The following NUP98 variants were observed in gnomAD, a reference collection of about 807,000 sequenced individuals.
NUP98 encodes nucleoporin 98 and 96 precursor.
Under a neutral mutation model 191.9 loss-of-function variants are expected in NUP98, and 26 were observed. That is an observed-to-expected ratio of 0.14 (90% CI 0.10 to 0.19). The LOEUF is 0.19. Among genes scored for constraint, NUP98 ranks in the 10% least tolerant of loss-of-function variants. The pLI, the probability that NUP98 is intolerant of heterozygous loss-of-function variation, is 1.00. For missense variants in NUP98, 1,941 were observed against 2,178.8 expected (o/e 0.89, Z 2.17); for synonymous variants, 808 against 778.4 (o/e 1.04, Z -0.63).
intron 12 of NUP98, among the ~76,000 whole-genome samples, chr11:3,735,962 G>A (rs1266570494): frequency 2.0e-5 from 3 of 151,600 alleles, no homozygotes; most frequent in Admixed American, 2.0e-4. Flanking sequence ...GAGTGTAGTG[G>A]CATGATCTTG....
At chr11:3,697,177 T>G (rs1180335062) in intron 25 of NUP98, 1 of 152,154 alleles carries the variant, frequency 6.6e-6, no homozygotes, top group Non-Finnish European at 1.5e-5. Flanking sequence ...TTTGGGAGGC[T>G]GAGGCAGGAG....
intron 2 of NUP98, among the ~76,000 whole-genome samples, chr11:3,780,496 C>A (rs551332026): frequency 7.6e-6 from 1 of 132,052 alleles, no homozygotes; most frequent in South Asian, 2.4e-4. Context: ...GAGCTGAGAT[C>A]GCACCACCGC....
At chr11:3,776,117 C>T in intron 4 of NUP98, 96 bp from the exon 5 acceptor site, 1 of 746,392 alleles carries the variant, frequency 1.3e-6, no homozygotes, top group Non-Finnish European at 2.1e-6. Context: ...CATCACAGTA[C>T]TTCATTTTTT....
At chr11:3,715,300 C>A (rs2079144522) in intron 18 of NUP98, among the ~76,000 whole-genome samples, 1 of 152,190 alleles carries the variant, frequency 6.6e-6, no homozygotes, top group Non-Finnish European at 1.5e-5. Context: ...GTGCCCGCCA[C>A]AACACCCAGC....
chr11:3,782,025 C>G lies in NUP98; in HGVS notation c.76+17G>C. ...AGATTAAGGTTTCTCCCTCTTTTGT[C>G]CTTTTTAAAAACTTACTCTGTCCAA... On this transcript the variant is annotated intron_variant, in intron 2 of 32. Transcript: ENST00000324932. 1.3e-6 allele frequency: 2 copies of G among 1,591,368 alleles called. No individual in the cohort carries two copies. Among genetic ancestry groups the G allele is most frequent in the Non-Finnish European group, 1.7e-6 (2 of 1,162,064 alleles).
Position 3,702,403 on chromosome 11 carries a change from A to G in NUP98, c.3512+60T>C, listed in dbSNP as rs148926906. 418 of 1,303,714 alleles carry G rather than the reference A, an allele frequency of 3.2e-4. 3 individuals carry two copies. The African/African-American group carries it at 5.5e-3, about 17-fold the overall frequency. 80.8% of individuals were successfully genotyped at this position (1,303,714 alleles called of 1,614,324 possible). A position where few individuals can be genotyped will look rare whatever the true frequency, so the allele number is the denominator to read the frequency against. The stretch of plus-strand genomic sequence containing the variant: ...GACAAAGCAGGGCCCTATCCTCCTG[A>G]TTAGTTTTTTTCACCTATCATGTTG... On this transcript the variant is annotated intron_variant, in intron 23 of 32. Coordinates refer to ENST00000324932, the MANE Select transcript of NUP98 (RefSeq NM_016320.5).
chr11:3,758,781 G>GAGAGAGAC (rs201506597), intron 10 of NUP98, among the ~76,000 whole-genome samples: 7 of 151,918 alleles, frequency 4.6e-5, no homozygotes, highest in African/African-American at 1.5e-4. Context: ...GAGAGAGACA[G>GAGAGAGAC]AGAGAGACAG....
intron 20 of NUP98, among the ~76,000 whole-genome samples, chr11:3,706,903 A>G (rs1294403062): frequency 6.6e-6 from 1 of 152,188 alleles, no homozygotes; most frequent in African/African-American, 2.4e-5. Flanking sequence ...GGTGAAACAA[A>G]TGGTGGTCTT....
intron 6 of NUP98, among the ~76,000 whole-genome samples, chr11:3,772,808 G>A (rs1020107728): frequency 5.7e-5 from 6 of 105,752 alleles, no homozygotes; most frequent in Admixed American, 5.1e-4. Flanking sequence ...AGCAAGACTC[G>A]TCTCAAAAAA....
intron 14 of NUP98, among the ~76,000 whole-genome samples, chr11:3,729,638 C>T (rs2079760512): frequency 2.8e-5 from 4 of 145,022 alleles, no homozygotes; most frequent in Admixed American, 7.1e-5. Context: ...ATCACCTGAG[C>T]CCAGGGGTCG....
chr11:3,741,668 C>T (rs1471810935), intron 12 of NUP98, among the ~76,000 whole-genome samples: 1 of 151,966 alleles, frequency 6.6e-6, no homozygotes, highest in Non-Finnish European at 1.5e-5. Flanking sequence ...AAAAAAATCT[C>T]CCAGAAAGCA....
intron 10 of NUP98, among the ~76,000 whole-genome samples, chr11:3,753,754 A>AC (rs1713798505): frequency 1.6e-5 from 2 of 124,478 alleles, no homozygotes; most frequent in African/African-American, 6.0e-5. Flanking sequence ...CTATAAAAAT[A>AC]CAAAAAAAAA....
intron 2 of NUP98, 74 bp downstream of exon 2, chr11:3,781,968 G>T: frequency 2.1e-6 from 2 of 952,056 alleles, no homozygotes; most frequent in Non-Finnish European, 3.2e-6. Flanking sequence ...CCCACCTAAA[G>T]CTTATCAGAG....
At chr11:3,751,478 A>T (rs980825266) in intron 11 of NUP98, among the ~76,000 whole-genome samples, 1 of 152,234 alleles carries the variant, frequency 6.6e-6, no homozygotes, top group South Asian at 2.1e-4. Flanking sequence ...GATACATGCC[A>T]AACAACCCTA....
chr11:3,782,770 A>G (rs1256638758), intron 1 of NUP98, among the ~76,000 whole-genome samples: 2 of 151,436 alleles, frequency 1.3e-5, no homozygotes, highest in Non-Finnish European at 2.9e-5. Context: ...TCTTAAAAAA[A>G]CTCCTGATCG....
intron 27 of NUP98, among the ~76,000 whole-genome samples, chr11:3,692,049 T>G (rs2078328738): frequency 5.3e-5 from 8 of 152,140 alleles, no homozygotes; most frequent in Admixed American, 3.9e-4. Context: ...TTATATAGTT[T>G]GTAGTTCATG....
At position 3,755,224 on chromosome 11, in the gene NUP98, G is replaced by A. The variant is rs575892111; in HGVS notation, c.1175-1816C>T. ...TAATCCCAACACATTGGGAGGCAGAGGCAGGTGGATCACTTGAGGAAAGGA... is the reference window on the plus strand; with the variant it reads ...TAATCCCAACACATTGGGAGGCAGAAGCAGGTGGATCACTTGAGGAAAGGA... On this transcript the variant is annotated intron_variant, in intron 10 of 32. Coordinates refer to ENST00000324932, the MANE Select transcript of NUP98 (RefSeq NM_016320.5). Among the ~76,000 whole-genome samples, 5 of 152,130 alleles carry A rather than the reference G, an allele frequency of 3.3e-5. No individual in the cohort carries two copies. In the East Asian group the frequency reaches 9.7e-4, roughly 29 times the overall value.
rs1373836619 is a variant in NUP98, at chr11:3,706,618, G to A, written c.2752C>T (p.Pro918Ser). The change falls in exon 21 of 33, where the codon CCA becomes TCA. Residue 918 changes from proline to serine, a missense_variant. This residue lies in a region of NUP98 where 1,030 missense variants were observed against 1,115.8 expected (regional missense o/e 0.92). Transcript: ENST00000324932. Reference sequence around the variant, plus strand: ...ACCCTCCCTAACTGCTCCACCTCTGGGCTCTGGCTCTGTAGACAGCAGAAA... The same window carrying A: ...ACCCTCCCTAACTGCTCCACCTCTGAGCTCTGGCTCTGTAGACAGCAGAAA... ...KPAPPPQSQS[P>S]EVEQLGRVVE... 4 of 1,613,498 alleles carry A rather than the reference G, an allele frequency of 2.5e-6. No individual in the cohort carries two copies. Among genetic ancestry groups the A allele is most frequent in the Non-Finnish European group, 3.4e-6 (4 of 1,179,914 alleles).
At chr11:3,777,620 CAA>C (rs35614116) in intron 4 of NUP98, among the ~76,000 whole-genome samples, 4 of 59,466 alleles carry the variant, frequency 6.7e-5, no homozygotes, top group Admixed American at 2.0e-4. Context: ...GACTCCGTCT[CAA>C]AAAAAAAAAA....
Sources: allele counts gnomAD v4.1 joint callset (sites outside exome capture counted in the v4.1 genomes callset), GRCh38; gene constraint gnomAD v4.1.1; regional missense constraint gnomAD v4.1.1; transcripts MANE v1.5; gene names NCBI Gene and HGNC (gene_info 2026-07-23, HGNC 2026-07-21).